MTR: variants seen among roughly 807,000 people sequenced by gnomAD.
MTR encodes methionine synthase.
A neutral mutation model predicts 154.8 loss-of-function variants in MTR; 84 were observed. The ratio of observed to expected loss-of-function variants is 0.54; its 90% CI spans 0.45 to 0.65. The LOEUF is 0.65. MTR is among the 30% of genes least tolerant of loss of function. MTR has a pLI of 0.00. For missense variants in MTR, 1,275 were observed against 1,570.2 expected (o/e 0.81, Z 3.18); for synonymous variants, 554 against 553.9 (o/e 1.00, Z 0.00).
chr1:236,795,605 G>C lies in MTR; in HGVS notation c.-99G>C, dbSNP rs1660326268. The C allele has an allele frequency of 1.2e-6, 2 of 1,600,680 alleles. No individual in the cohort carries two copies. The highest frequency in any genetic ancestry group is 2.7e-5 in the African/African-American group (2 of 74,860). On this transcript the variant is annotated 5_prime_UTR_variant, in exon 1 of 33. Transcript: ENST00000366577. ...AAAAGACCCGGGCCTTGTGTGGCAG[G>C]CTCGCCTGGCGCTGGCTGGCGTGGC...
At chr1:236,868,118 T>G (rs142439974) in intron 22 of MTR, among the ~76,000 whole-genome samples, 48 of 152,266 alleles carry the variant, frequency 3.2e-4, no homozygotes, top group African/African-American at 1.1e-3. Flanking sequence ...TCAATTGGTG[T>G]GGGAAACTTC....
At chr1:236,896,966 A>G in intron 31 of MTR, 40 bp from the exon 32 acceptor site, 1 of 1,467,324 alleles carries the variant, frequency 6.8e-7, no homozygotes, top group East Asian at 2.3e-5. Context: ...TGTGCTAGAC[A>G]CTGAGTCCAT....
chr1:236,864,126 A>T lies in MTR; in HGVS notation c.2405+572A>T, dbSNP rs185730497. Reference sequence around the variant, plus strand: ...AAATATTCATAACAAAATCATTTGCATGTGAGAGCTGATGACCTGTAGTAA... The same window carrying T: ...AAATATTCATAACAAAATCATTTGCTTGTGAGAGCTGATGACCTGTAGTAA... On this transcript the variant is annotated intron_variant, in intron 22 of 32. Transcript: ENST00000366577. Among the ~76,000 whole-genome samples, 3 of 152,338 alleles carry T rather than the reference A, an allele frequency of 2.0e-5. No individual in the cohort carries two copies. In the East Asian group the frequency reaches 5.8e-4, roughly 29 times the overall value.
At chr1:236,805,129 C>A (rs958069762) in intron 2 of MTR, among the ~76,000 whole-genome samples, 2 of 152,092 alleles carry the variant, frequency 1.3e-5, no homozygotes, top group South Asian at 2.1e-4. Context: ...AACCATTGTC[C>A]ATCGACTTAA....
rs757891309 is a variant in MTR at position 236,850,389 on chromosome 1, C to A, written c.1561C>A (p.His521Asn). Reference protein sequence around the residue: ...TKIRVCTRAYHLLVKKLGFNP... With the variant: ...TKIRVCTRAYNLLVKKLGFNP... ...AATCAGAGTGTGCACCCGGGCCTAC[C>A]ATCTGCTTGTGAAAAAACTGGGCTT... is the stretch of plus-strand genomic sequence containing the variant. Residue 521 changes from histidine (H) to asparagine (N), a missense_variant, in exon 16 of 33, where the codon CAT (histidine) becomes AAT (asparagine). Transcript: ENST00000366577. 1 of 1,613,684 alleles carries A rather than the reference C, an allele frequency of 6.2e-7. No homozygotes were observed.
Position 236,850,383 on chromosome 1 carries a change from G to T in MTR, c.1555G>T (p.Ala519Ser), listed in dbSNP as rs1308888319. 1.2e-6 allele frequency: 2 copies of T among 1,613,552 alleles called. No homozygotes were observed. The highest frequency in any genetic ancestry group is 2.7e-5 in the African/African-American group (2 of 74,794). The change falls in exon 16 of 33, where the codon GCC becomes TCC. Residue 519 changes from alanine to serine, a missense_variant. Ala to Ser is a moderately conservative substitution (Grantham distance 99). Transcript: ENST00000366577. ...CACAAAAATCAGAGTGTGCACCCGG[G>T]CCTACCATCTGCTTGTGAAAAAACT... ...TDTKIRVCTR[A>S]YHLLVKKLGF...
chr1:236,847,993 A>G (rs1314942310), intron 15 of MTR, among the ~76,000 whole-genome samples: 1 of 152,212 alleles, frequency 6.6e-6, no homozygotes, highest in East Asian at 1.9e-4. Context: ...CCTGCTCCTG[A>G]CAAAGGCCTG....
chr1:236,896,882 A>G (rs1319605228), intron 31 of MTR, 124 bp from the exon 32 acceptor site: 2 of 786,252 alleles, frequency 2.5e-6, no homozygotes, highest in Admixed American at 1.7e-5. Flanking sequence ...TCATGTGTCT[A>G]CCTAGAAGGC....
chr1:236,838,340 A>G lies in MTR; in HGVS notation c.1330-74A>G. The G allele has an allele frequency of 3.5e-6, 5 of 1,439,188 alleles. No homozygotes were observed. The South Asian group carries it at 5.8e-5, about 17-fold the overall frequency. The allele number at this position is 1,439,188 out of a possible 1,614,324, so 89.2% of individuals were successfully genotyped here. ...TTTTGCTAAAGAAGAAATAGGGAAT[A>G]CTTTGGAGCCTTTGAAAAGTAATTT... On this transcript the variant is annotated intron_variant, in intron 14 of 32. Transcript: ENST00000366577.
In MTR at chr1:236,894,342, C is replaced by G; in HGVS notation, c.3205-15C>G. ...AACGGCGCCCCCGCACACTCCTACA[C>G]TCCTTGGTTTTAAGGCTGAGAAGGA... On this transcript the variant is annotated splice_polypyrimidine_tract_variant and intron_variant, in intron 29 of 32. Transcript: ENST00000366577. The G allele has an allele frequency of 2.5e-6, 4 of 1,614,174 alleles. No individual in the cohort carries two copies. The highest frequency in any genetic ancestry group is 3.4e-6 in the Non-Finnish European group (4 of 1,179,992).
chr1:236,878,398 A>G (rs1328734812), intron 24 of MTR, among the ~76,000 whole-genome samples: 1 of 152,142 alleles, frequency 6.6e-6, no homozygotes, highest in Non-Finnish European at 1.5e-5. Flanking sequence ...TTTCATGAAA[A>G]CATCGCTGAG....
At chr1:236,818,723 G>A (rs1182789120) in intron 8 of MTR, among the ~76,000 whole-genome samples, 1 of 152,182 alleles carries the variant, frequency 6.6e-6, no homozygotes, top group Non-Finnish European at 1.5e-5. Flanking sequence ...TTACTGACTT[G>A]TGATTATCAC....
At chr1:236,808,926 C>G (rs1448120024) in intron 4 of MTR, among the ~76,000 whole-genome samples, 153 bp downstream of exon 4, 1 of 152,214 alleles carries the variant, frequency 6.6e-6, no homozygotes, top group Non-Finnish European at 1.5e-5. Context: ...GATTACTTCT[C>G]TGCAGTTTCA....
intron 22 of MTR, among the ~76,000 whole-genome samples, chr1:236,872,514 C>T (rs1665192898): frequency 6.6e-6 from 1 of 152,100 alleles, no homozygotes; most frequent in South Asian, 2.1e-4. Flanking sequence ...CTTCCCTAGC[C>T]CTTTTTATTG....
intron 21 of MTR, among the ~76,000 whole-genome samples, 161 bp downstream of exon 21, chr1:236,862,504 TACTCTGGG>T (rs1430882875): frequency 6.6e-6 from 1 of 152,254 alleles, no homozygotes; most frequent in African/African-American, 2.4e-5. Flanking sequence ...AGTATCAGAA[TACTCTGGG>T]ACTTTCTTTT....
chr1:236,863,624 CT>C (rs758713573), intron 22 of MTR, 70 bp downstream of exon 22: 221 of 1,323,522 alleles, frequency 1.7e-4, no homozygotes, highest in Non-Finnish European at 2.0e-4. Flanking sequence ...CAGAATAATT[CT>C]TCAATGGGTG....
At chr1:236,876,355 T>C (rs892608967) in intron 24 of MTR, among the ~76,000 whole-genome samples, 14 of 152,198 alleles carry the variant, frequency 9.2e-5, no homozygotes, top group African/African-American at 2.9e-4. Context: ...AAAGGACTTA[T>C]GTACCAGGAA....
rs144061765 is a variant in MTR at position 236,873,848 on chromosome 1, G to T, written c.2473+8G>T. On this transcript the variant is annotated splice_region_variant and intron_variant, in intron 23 of 32. Transcript: ENST00000366577. Reference sequence around the variant, plus strand: ...CTCTTGACCACAAAGCAGGTACTGTGCAACTATACTTTGGGCATTTCTCTA... The same window carrying T: ...CTCTTGACCACAAAGCAGGTACTGTTCAACTATACTTTGGGCATTTCTCTA... The T allele has an allele frequency of 4.4e-4, 705 of 1,613,256 alleles. 4 individuals are homozygous for T. In the African/African-American group the frequency reaches 7.5e-3, roughly 17 times the overall value.
intron 22 of MTR, among the ~76,000 whole-genome samples, 177 bp downstream of exon 22, chr1:236,863,731 A>G (rs1664678957): frequency 6.6e-6 from 1 of 152,196 alleles, no homozygotes; most frequent in Non-Finnish European, 1.5e-5. Flanking sequence ...CAGCATTTCA[A>G]ATGAAATAAG....
Sources: gnomAD v4.1 joint callset for allele counts (sites outside exome capture counted in the v4.1 genomes callset) on GRCh38, gnomAD v4.1.1 for gene constraint, MANE v1.5 for transcripts, NCBI Gene and HGNC (gene_info 2026-07-23, HGNC 2026-07-21) for gene names.